SGCG: variants seen among roughly 807,000 people sequenced by gnomAD.
SGCG encodes sarcoglycan gamma, also known as gamma-sarcoglycan.
Under a neutral mutation model 29.3 loss-of-function variants are expected in SGCG, and 26 were observed. The ratio of observed to expected loss-of-function variants is 0.89; its 90% confidence interval spans 0.65 to 1.23. The LOEUF (loss-of-function observed/expected upper bound fraction) is 1.23, where lower values mean the gene tolerates loss of function less well. Among genes scored for constraint, SGCG ranks in the 50% most tolerant of loss-of-function variants. The probability of loss-of-function intolerance (pLI) is 0.00; values close to 1 mark genes in which losing one functional copy is unlikely to be tolerated. For synonymous variants in SGCG, 145 were observed against 129.7 expected (o/e 1.12, Z -0.80); for missense variants, 353 against 356.0 (o/e 0.99, Z 0.07).
chr13:23,222,147 C>T (rs1270906228), intron 2 of SGCG, among the ~76,000 whole-genome samples: 2 of 152,108 alleles, frequency 1.3e-5, no homozygotes, highest in Non-Finnish European at 2.9e-5. Flanking sequence ...GAAGGGCCGT[C>T]GATTGTCTAT....
intron 2 of SGCG, among the ~76,000 whole-genome samples, chr13:23,215,547 A>G (rs1482834393): frequency 6.6e-6 from 1 of 152,208 alleles, no homozygotes; most frequent in African/African-American, 2.4e-5. Context: ...AAGAACCATT[A>G]GTGATTACTT....
the SGCG span, among the ~76,000 whole-genome samples, chr13:23,168,785 T>C: frequency 6.6e-6 from 1 of 152,188 alleles, no homozygotes. Flanking sequence ...TAAGGCATGA[T>C]TGATAGGCAT....
chr13:23,180,426 T>C (rs1412563664), upstream of SGCG, among the ~76,000 whole-genome samples: 1 of 152,216 alleles, frequency 6.6e-6, no homozygotes, highest in African/African-American at 2.4e-5. Context: ...TGGTGATCTT[T>C]GTTTAAGATT....
chr13:23,262,300 G>T (rs1593204383), intron 4 of SGCG, among the ~76,000 whole-genome samples: 2 of 152,012 alleles, frequency 1.3e-5, no homozygotes, highest in Non-Finnish European at 2.9e-5. Flanking sequence ...CAAGGTTAAG[G>T]GGTCGAAAAC....
chr13:23,201,884 T>C (rs1397626521), intron 1 of SGCG, among the ~76,000 whole-genome samples: 1 of 152,206 alleles, frequency 6.6e-6, no homozygotes, highest in Non-Finnish European at 1.5e-5. Flanking sequence ...TAGTCTGTCC[T>C]TTATAGGAAT....
intron 2 of SGCG, among the ~76,000 whole-genome samples, chr13:23,215,657 C>T (rs914715835): frequency 6.6e-6 from 1 of 151,916 alleles, no homozygotes; most frequent in Non-Finnish European, 1.5e-5. Context: ...TGAAAAAGTA[C>T]CTGCTACCCT....
chr13:23,264,692 G>A lies in SGCG; in HGVS notation c.385+13975G>A, dbSNP rs954828478. Among the ~76,000 whole-genome samples the A allele has an allele frequency of 2.0e-5, 3 of 152,172 alleles. No homozygotes were observed. The East Asian group carries it at 5.8e-4, about 29-fold the overall frequency. ...CTTCAAATTATACTACAAGGCTGTA[G>A]TAACCCAAACAGCATGGTAGTGGTA... is the stretch of plus-strand genomic sequence containing the variant. On this transcript the variant is annotated intron_variant, in intron 4 of 7. Coordinates refer to ENST00000218867, the MANE Select transcript of SGCG (RefSeq NM_000231.3).
chr13:23,313,478 A>G lies in SGCG; in HGVS notation c.579-7159A>G, dbSNP rs183352514. ...CTGAGCCTGGCCTTCTCTTTTTTTA[A>G]AAATGACATTAATATGACATGAGCA... is the stretch of plus-strand genomic sequence containing the variant. On this transcript the variant is annotated intron_variant, in intron 6 of 7. Coordinates refer to ENST00000218867, the MANE Select transcript of SGCG (RefSeq NM_000231.3). 5.0e-4 allele frequency among the ~76,000 whole-genome samples: 76 copies of G among 152,252 alleles called. No homozygotes were observed. In the East Asian group the frequency reaches 0.012, roughly 24 times the overall value.
chr13:23,286,761 CTTAT>C (rs957533380), intron 5 of SGCG, among the ~76,000 whole-genome samples: 30 of 152,132 alleles, frequency 2.0e-4, no homozygotes, highest in African/African-American at 7.2e-4. Context: ...CTCAGAATAT[CTTAT>C]TTGACTGTCC....
intron 2 of SGCG, among the ~76,000 whole-genome samples, chr13:23,225,851 G>A (rs577727556): frequency 6.6e-6 from 1 of 151,800 alleles, no homozygotes; most frequent in South Asian, 2.1e-4. Context: ...ATCTATATAT[G>A]TATAGAAAAT....
chr13:23,317,988 T>C (rs1882889589), intron 6 of SGCG, among the ~76,000 whole-genome samples: 1 of 152,218 alleles, frequency 6.6e-6, no homozygotes, highest in African/African-American at 2.4e-5. Context: ...GCAAATATAA[T>C]GCAGGCAGAA....
intron 2 of SGCG, among the ~76,000 whole-genome samples, chr13:23,223,255 C>A (rs188558149): frequency 0.01 from 1,371 of 131,262 alleles, 26 homozygotes; most frequent in African/African-American, 0.037. Context: ...CCAGCCTGGG[C>A]GACAGAGTCA....
At chr13:23,164,645 C>T in the SGCG span, among the ~76,000 whole-genome samples, 1 of 152,106 alleles carries the variant, frequency 6.6e-6, no homozygotes, top group South Asian at 2.1e-4. Context: ...TAGGAACTGG[C>T]CTGTGCAGAG....
chr13:23,293,075 G>T (rs1881778630), intron 5 of SGCG, among the ~76,000 whole-genome samples: 2 of 152,116 alleles, frequency 1.3e-5, no homozygotes, highest in Admixed American at 1.3e-4. Flanking sequence ...TCTAAAATTT[G>T]ACTGGCAACA....
At chr13:23,179,530 C>T (rs17078394), upstream of SGCG, among the ~76,000 whole-genome samples, 21,619 of 152,208 alleles carry the variant, frequency 0.14, 1,967 homozygotes, top group East Asian at 0.28. Context: ...ACTTTTCAGA[C>T]ATACACTCAT....
chr13:23,274,549 A>G (rs1184812362), intron 4 of SGCG, among the ~76,000 whole-genome samples: 1 of 151,534 alleles, frequency 6.6e-6, no homozygotes, highest in Admixed American at 6.6e-5. Context: ...CAGCCTCCTG[A>G]GTAGCTGAGA....
chr13:23,266,715 A>C, intron 4 of SGCG, among the ~76,000 whole-genome samples: 1 of 152,258 alleles, frequency 6.6e-6, no homozygotes, highest in East Asian at 1.9e-4. Flanking sequence ...AATAGTAAAT[A>C]AATAAATTTA....
At chr13:23,183,872 TAGTC>T (rs1876852820) in intron 1 of SGCG, among the ~76,000 whole-genome samples, 1 of 152,072 alleles carries the variant, frequency 6.6e-6, no homozygotes, top group Non-Finnish European at 1.5e-5. Context: ...TTCACCATGT[TAGTC>T]AGGATGGTCT....
intron 5 of SGCG, among the ~76,000 whole-genome samples, chr13:23,287,566 A>G (rs780349783): frequency 6.6e-5 from 10 of 152,234 alleles, no homozygotes; most frequent in Non-Finnish European, 1.2e-4. Context: ...GAGCTAACAC[A>G]TGAGGATCGT....
Sources: allele counts gnomAD v4.1 joint callset (sites outside exome capture counted in the v4.1 genomes callset), GRCh38; gene constraint gnomAD v4.1.1; transcripts MANE v1.5; gene names NCBI Gene and HGNC (gene_info 2026-07-23, HGNC 2026-07-21).